DLGAP1: variants seen among roughly 807,000 people sequenced by gnomAD.
The protein encoded by DLGAP1 is DLG associated protein 1.
Under a neutral mutation model 90.8 loss-of-function variants are expected in DLGAP1, and 11 were observed. The observed-to-expected ratio is 0.12, with a 90% CI of 0.08 to 0.20. The LOEUF is 0.20. Among genes scored for constraint, DLGAP1 ranks in the 10% least tolerant of loss-of-function variants. The probability of loss-of-function intolerance (pLI) is 1.00; values close to 1 mark genes in which losing one functional copy is unlikely to be tolerated. For missense variants in DLGAP1, 1,050 were observed against 1,333.8 expected, an observed-to-expected ratio of 0.79 and a Z score of 3.31; for synonymous variants, 558 against 540.7, an observed-to-expected ratio of 1.03 and a Z score of -0.44.
At chr18:4,018,858 G>A (rs544277499) in intron 2 of DLGAP1, among the ~76,000 whole-genome samples, 1 of 152,198 alleles carries the variant, frequency 6.6e-6, no homozygotes, top group African/African-American at 2.4e-5. Flanking sequence ...GATGGAAAAG[G>A]TACTCCGATT....
chr18:3,779,709 C>G (rs531496843), intron 5 of DLGAP1, among the ~76,000 whole-genome samples: 5 of 152,020 alleles, frequency 3.3e-5, no homozygotes, highest in African/African-American at 4.8e-5. Flanking sequence ...AGGAAGCTGC[C>G]TCTTCATCTT....
At chr18:4,115,753 C>T (rs1220093308) in intron 2 of DLGAP1, among the ~76,000 whole-genome samples, 5 of 152,134 alleles carry the variant, frequency 3.3e-5, no homozygotes, top group South Asian at 4.1e-4. Flanking sequence ...CGTAAGCCAC[C>T]GCGCCCAGCC....
At chr18:3,543,166 A>ATTTTTTTTTTTTTTTTTTTTTTT (rs76751283) in intron 9 of DLGAP1, among the ~76,000 whole-genome samples, 1 of 64,126 alleles carries the variant, frequency 1.6e-5, no homozygotes, top group Non-Finnish European at 4.0e-5. Flanking sequence ...CATGACTCCA[A>ATTTTTTTTTTTTTTTTTTTTTTT]TTTTTTTTTT....
intron 1 of DLGAP1, among the ~76,000 whole-genome samples, chr18:4,453,239 G>C (rs2083878515): frequency 6.6e-6 from 1 of 152,154 alleles, no homozygotes; most frequent in South Asian, 2.1e-4. Flanking sequence ...TCATGCCAGA[G>C]TATGAATTTT....
chr18:3,717,041 T>C (rs1354692960), intron 7 of DLGAP1, among the ~76,000 whole-genome samples: 1 of 75,910 alleles, frequency 1.3e-5, no homozygotes, highest in African/African-American at 6.6e-5. Context: ...GAGTTTGCCT[T>C]TTTTTTTTTT....
chr18:3,535,563 T>C (rs1390174644), intron 9 of DLGAP1, among the ~76,000 whole-genome samples: 2 of 150,578 alleles, frequency 1.3e-5, no homozygotes, highest in Non-Finnish European at 3.0e-5. Flanking sequence ...AAAACATTAG[T>C]CGGGCGTGGT....
At chr18:4,125,898 A>G (rs1472968547) in intron 2 of DLGAP1, among the ~76,000 whole-genome samples, 2 of 152,208 alleles carry the variant, frequency 1.3e-5, no homozygotes, top group African/African-American at 4.8e-5. Flanking sequence ...GAACATTTCC[A>G]GGGCCAGAGT....
intron 5 of DLGAP1, among the ~76,000 whole-genome samples, chr18:3,763,050 T>C (rs147111854): frequency 6.6e-4 from 101 of 152,294 alleles, no homozygotes; most frequent in Middle Eastern, 3.4e-3. Flanking sequence ...GATTGAAGGA[T>C]GCAAAGTACT....
At chr18:3,984,729 A>G (rs1037249797) in intron 3 of DLGAP1, among the ~76,000 whole-genome samples, 16 of 151,384 alleles carry the variant, frequency 1.1e-4, no homozygotes, top group African/African-American at 3.6e-4. Context: ...ATCAACTCCT[A>G]ATTGAATCCC....
At chr18:4,008,183 A>G (rs1037421123) in intron 2 of DLGAP1, among the ~76,000 whole-genome samples, 1 of 151,432 alleles carries the variant, frequency 6.6e-6, no homozygotes, top group Non-Finnish European at 1.5e-5. Flanking sequence ...TGATGCCCCA[A>G]ACAGAACCAA....
intron 1 of DLGAP1, chr18:4,430,563 T>C (rs530973687): frequency 6.6e-6 from 1 of 151,140 alleles, no homozygotes; most frequent in Non-Finnish European, 1.5e-5. Flanking sequence ...ATGTTTTCTT[T>C]TGATTGTTTT....
At chr18:3,825,945 TAAA>T (rs921660510) in intron 4 of DLGAP1, among the ~76,000 whole-genome samples, 9 of 152,016 alleles carry the variant, frequency 5.9e-5, no homozygotes, top group African/African-American at 2.2e-4. Flanking sequence ...TATGCAGCCA[TAAA>T]AAAAGAACAA....
chr18:4,204,732 G>C (rs1038903829), intron 1 of DLGAP1, among the ~76,000 whole-genome samples: 1 of 151,918 alleles, frequency 6.6e-6, no homozygotes, highest in Non-Finnish European at 1.5e-5. Flanking sequence ...TGAAGTAAGA[G>C]GTAAAAAAAA....
chr18:3,713,335 A>T (rs1164576694), intron 7 of DLGAP1, among the ~76,000 whole-genome samples: 1 of 152,254 alleles, frequency 6.6e-6, no homozygotes, highest in Non-Finnish European at 1.5e-5. Flanking sequence ...GATTAGGAGC[A>T]AAGAATGATA....
chr18:3,895,188 A>T (rs1466108270), intron 3 of DLGAP1, among the ~76,000 whole-genome samples: 3 of 151,910 alleles, frequency 2.0e-5, no homozygotes, highest in Non-Finnish European at 4.4e-5. Context: ...AATACCAGGA[A>T]GGTTATCAGG....
intron 1 of DLGAP1, among the ~76,000 whole-genome samples, chr18:4,436,025 CAAAACATGCAAGATGGTTTTGGTGGT>C (rs1357707444): frequency 6.6e-6 from 1 of 151,992 alleles, no homozygotes; most frequent in Non-Finnish European, 1.5e-5. Context: ...CAAAGAAGCT[CAAAACATGCAAGATGGTTTTGGTGGT>C]AAGGAGAAAG....
Position 4,119,031 on chromosome 18 carries a change from G to A in DLGAP1, c.-159+32149C>T, listed in dbSNP as rs150527294. 1.5e-3 allele frequency among the ~76,000 whole-genome samples: 224 copies of A among 151,996 alleles called. 3 individuals are homozygous for A. The highest frequency in any genetic ancestry group is 9.0e-4 in the Non-Finnish European group (61 of 67,968). On this transcript the variant is annotated intron_variant, in intron 2 of 12. Transcript: ENST00000315677. ...CTTTGGGTATACATTTTTTCACAACGAAAATTTTCTCTTCTATTACTTCTC... is the reference window on the plus strand; with the variant it reads ...CTTTGGGTATACATTTTTTCACAACAAAAATTTTCTCTTCTATTACTTCTC...
chr18:3,731,243 C>T (rs1314461476), intron 6 of DLGAP1, among the ~76,000 whole-genome samples: 1 of 151,826 alleles, frequency 6.6e-6, no homozygotes, highest in South Asian at 2.1e-4. Flanking sequence ...ATCAACATGC[C>T]AAACTTTACA....
intron 1 of DLGAP1, among the ~76,000 whole-genome samples, chr18:4,432,065 T>C (rs961547449): frequency 1.3e-5 from 2 of 152,250 alleles, no homozygotes; most frequent in Non-Finnish European, 1.5e-5. Flanking sequence ...CATGTGGTGG[T>C]GTCTTATACT....
Sources: gnomAD v4.1 joint callset for allele counts (sites outside exome capture counted in the v4.1 genomes callset) on GRCh38, gnomAD v4.1.1 for gene constraint, MANE v1.5 for transcripts, NCBI Gene and HGNC (gene_info 2026-07-23, HGNC 2026-07-21) for gene names.